Variants in DUSP13B observed in about 807,000 individuals in gnomAD.
The protein encoded by DUSP13B is dual specificity protein phosphatase 13B.
At chr10:75,108,971 G>T in the DUSP13B span, 1 of 1,559,032 alleles carries the variant, frequency 6.4e-7, no homozygotes, top group African/African-American at 1.4e-5. Context: ...GCCTCTCCAC[G>T]TCCCCACCCC....
the DUSP13B span, chr10:75,094,450 T>C: frequency 3.6e-6 from 2 of 559,452 alleles, no homozygotes; most frequent in Admixed American, 3.2e-5. Context: ...TGACGATGAA[T>C]ATTTTATTAT....
the DUSP13B span, chr10:75,101,775 CT>C: frequency 1.5e-5 from 13 of 866,246 alleles, no homozygotes; most frequent in Non-Finnish European, 1.7e-5. Context: ...AACCCCACCC[CT>C]CCCCACACAG....
chr10:75,098,184 G>A, the DUSP13B span, among the ~76,000 whole-genome samples: 3 of 152,200 alleles, frequency 2.0e-5, no homozygotes, highest in Non-Finnish European at 2.9e-5. Flanking sequence ...TTCCCTGTTT[G>A]TGGCACTAGT....
At chr10:75,103,634 A>G in the DUSP13B span, among the ~76,000 whole-genome samples, 7 of 152,156 alleles carry the variant, frequency 4.6e-5, no homozygotes, top group Non-Finnish European at 8.8e-5. Flanking sequence ...GCACTCCCAG[A>G]TGGTGGGAAC....
chr10:75,107,518 C>T, the DUSP13B span, among the ~76,000 whole-genome samples: 1 of 152,130 alleles, frequency 6.6e-6, no homozygotes, highest in African/African-American at 2.4e-5. Flanking sequence ...TTCCAGGCCT[C>T]AGTTTCCCCA....
the DUSP13B span, among the ~76,000 whole-genome samples, chr10:75,098,393 C>T: frequency 6.6e-6 from 1 of 152,194 alleles, no homozygotes; most frequent in Non-Finnish European, 1.5e-5. Context: ...GAGCCTATCT[C>T]CAGGTAAGAG....
At chr10:75,104,101 GAA>G in the DUSP13B span, 1 of 1,339,588 alleles carries the variant, frequency 7.5e-7, no homozygotes, top group African/African-American at 1.5e-5. Context: ...ACCAGCTCTG[GAA>G]GAGAGATGAG....
the DUSP13B span, among the ~76,000 whole-genome samples, chr10:75,107,262 G>A: frequency 6.6e-6 from 1 of 151,728 alleles, no homozygotes; most frequent in Non-Finnish European, 1.5e-5. Flanking sequence ...TTGAAGCCCA[G>A]AGGCAGAGGT....
the DUSP13B span, among the ~76,000 whole-genome samples, chr10:75,107,790 T>C: frequency 6.6e-6 from 1 of 152,200 alleles, no homozygotes; most frequent in Non-Finnish European, 1.5e-5. Context: ...TTGGCCAGGC[T>C]GGTCTTGAAC....
chr10:75,106,101 C>CTTTTT, the DUSP13B span, among the ~76,000 whole-genome samples: 137 of 122,788 alleles, frequency 1.1e-3, no homozygotes, highest in Non-Finnish European at 2.0e-3. Context: ...TCTTTCTTTT[C>CTTTTT]TTTTTTTTTT....
chr10:75,103,593 T>C, the DUSP13B span, among the ~76,000 whole-genome samples: 1 of 152,206 alleles, frequency 6.6e-6, no homozygotes, highest in Admixed American at 6.5e-5. Flanking sequence ...ACCTTTGTCA[T>C]ACACACATAC....
the DUSP13B span, among the ~76,000 whole-genome samples, chr10:75,103,654 C>T: frequency 2.0e-5 from 3 of 152,252 alleles, no homozygotes; most frequent in African/African-American, 4.8e-5. Context: ...CAGGGCACAC[C>T]CATGCCTGCA....
At chr10:75,101,755 A>T in the DUSP13B span, 1 of 632,656 alleles carries the variant, frequency 1.6e-6, no homozygotes, top group South Asian at 1.5e-5. Flanking sequence ...TCGGTTCTCT[A>T]CCCAACCCAA....
the DUSP13B span, among the ~76,000 whole-genome samples, chr10:75,097,353 C>T: frequency 2.0e-4 from 30 of 152,236 alleles, 1 homozygote; most frequent in South Asian, 6.0e-3. Context: ...TGATTGCAGG[C>T]GTCCACCACC....
the DUSP13B span, among the ~76,000 whole-genome samples, chr10:75,106,096 CT>C: frequency 9.2e-6 from 1 of 109,026 alleles, no homozygotes; most frequent in African/African-American, 3.9e-5. Context: ...TCTTTTCTTT[CT>C]TTTCTTTTTT....
At chr10:75,105,560 G>A in the DUSP13B span, 1 of 1,195,372 alleles carries the variant, frequency 8.4e-7, no homozygotes, top group East Asian at 2.6e-5. Context: ...ACACAGCCCT[G>A]CCAACCAATC....
chr10:75,095,904 G>C, the DUSP13B span: 2 of 1,038,818 alleles, frequency 1.9e-6, no homozygotes, highest in South Asian at 1.5e-5. Flanking sequence ...ACCAAGGGTA[G>C]AGACAAGAGC....
At chr10:75,105,234 T>C in the DUSP13B span, among the ~76,000 whole-genome samples, 1 of 151,994 alleles carries the variant, frequency 6.6e-6, no homozygotes, top group Admixed American at 6.6e-5. Context: ...TTCAGGAGGG[T>C]CCAGGCTGGC....
chr10:75,107,408 T>A, the DUSP13B span, among the ~76,000 whole-genome samples: 1 of 152,058 alleles, frequency 6.6e-6, no homozygotes, highest in Non-Finnish European at 1.5e-5. Context: ...CAAATGGTGC[T>A]TTCCCAAAGT....
Sources: allele counts gnomAD v4.1 joint callset (sites outside exome capture counted in the v4.1 genomes callset), GRCh38; gene constraint gnomAD v4.1.1; transcripts MANE v1.5; gene names NCBI Gene and HGNC (gene_info 2026-07-23, HGNC 2026-07-21).